Variants in PLXNA4 observed in about 807,000 individuals in gnomAD.
PLXNA4 encodes plexin-A4.
Under a neutral mutation model 191.8 loss-of-function variants are expected in PLXNA4, and 44 were observed. The ratio of observed to expected loss-of-function variants is 0.23; its 90% CI spans 0.18 to 0.29. PLXNA4 has a LOEUF of 0.29. Among genes scored for constraint, PLXNA4 ranks in the 10% least tolerant of loss-of-function variants. The pLI is 1.00. For missense variants in PLXNA4, 1,800 were observed against 2,488.8 expected (o/e 0.72, Z 5.89); for synonymous variants, 1,082 against 1,009.5 (o/e 1.07, Z -1.36).
At chr7:132,528,311 C>T (rs969790957) in intron 1 of PLXNA4, among the ~76,000 whole-genome samples, 2 of 152,182 alleles carry the variant, frequency 1.3e-5, no homozygotes, top group African/African-American at 4.8e-5. Flanking sequence ...GAACACCCAG[C>T]CTCCTAGTCC....
Position 132,238,606 on chromosome 7 carries a change from C to G in PLXNA4, c.1604+2460G>C, listed in dbSNP as rs534891894. 1.2e-4 allele frequency among the ~76,000 whole-genome samples: 19 copies of G among 152,288 alleles called. No individual in the cohort carries two copies. The South Asian group carries it at 3.9e-3, about 32-fold the overall frequency. ...TTGCACAGCCCCTGCCTTCTGAGAG[C>G]CTGTGCTTAACAAGGGCTGGTGCTA... On this transcript the variant is annotated intron_variant, in intron 5 of 31. Transcript: ENST00000321063.
At chr7:132,567,377 T>G (rs1801784088) in intron 1 of PLXNA4, among the ~76,000 whole-genome samples, 1 of 141,870 alleles carries the variant, frequency 7.0e-6, no homozygotes, top group Admixed American at 7.4e-5. Context: ...TCCATGTGCA[T>G]CCATGTGCAA....
At position 132,479,619 on chromosome 7, in the gene PLXNA4, A is replaced by G. The variant is rs113690713; in HGVS notation, c.1371+9673T>C. Among the ~76,000 whole-genome samples the G allele has an allele frequency of 3.5e-3, 529 of 152,278 alleles. 1 individual carries two copies. The highest frequency in any genetic ancestry group is 0.012 in the African/African-American group (497 of 41,568). On this transcript the variant is annotated intron_variant, in intron 3 of 31. Coordinates refer to ENST00000321063, the MANE Select transcript of PLXNA4 (RefSeq NM_020911.2). ...GTCCAGGAGTGGTTTTGGGGGGAAG[A>G]GGATTGCTCTTTGTAGATTCTTTGC...
At chr7:132,296,215 A>C (rs553364548) in intron 4 of PLXNA4, among the ~76,000 whole-genome samples, 9 of 152,100 alleles carry the variant, frequency 5.9e-5, no homozygotes, top group Non-Finnish European at 1.2e-4. Flanking sequence ...CTTCCTTTCC[A>C]ATGTGCCCAT....
chr7:132,515,851 A>G (rs1798915950), intron 1 of PLXNA4, among the ~76,000 whole-genome samples: 3 of 152,220 alleles, frequency 2.0e-5, no homozygotes, highest in Admixed American at 2.0e-4. Context: ...CAGTGCCACC[A>G]GAGTCTCACA....
intron 3 of PLXNA4, among the ~76,000 whole-genome samples, chr7:132,335,589 A>C (rs758452739): frequency 2.0e-5 from 3 of 152,190 alleles, no homozygotes; most frequent in Non-Finnish European, 2.9e-5. Flanking sequence ...AGGTCATCCT[A>C]TATTAAATTG....
chr7:132,359,204 G>A (rs1034992909), intron 3 of PLXNA4, among the ~76,000 whole-genome samples: 6 of 143,924 alleles, frequency 4.2e-5, no homozygotes, highest in African/African-American at 1.3e-4. Context: ...AAAAAGTCAA[G>A]GCTGCTTTTT....
chr7:132,536,408 TACCTCC>T (rs765158179), intron 1 of PLXNA4, among the ~76,000 whole-genome samples: 1 of 152,156 alleles, frequency 6.6e-6, no homozygotes, highest in Non-Finnish European at 1.5e-5. Flanking sequence ...TCCCTAAGCC[TACCTCC>T]ACCTCTGCAT....
chr7:132,607,391 C>T (rs1802947441), intron 2 of PLXNA4, among the ~76,000 whole-genome samples: 1 of 152,206 alleles, frequency 6.6e-6, no homozygotes, highest in East Asian at 1.9e-4. Context: ...GCAGACAGGG[C>T]CTCTGGCACC....
chr7:132,304,858 G>A (rs1245668121), intron 3 of PLXNA4, among the ~76,000 whole-genome samples: 1 of 151,800 alleles, frequency 6.6e-6, no homozygotes, highest in Non-Finnish European at 1.5e-5. Flanking sequence ...ACAGCACAGT[G>A]CAGTGTGCCC....
chr7:132,190,302 A>G (rs1298344122), intron 14 of PLXNA4, among the ~76,000 whole-genome samples: 2 of 152,218 alleles, frequency 1.3e-5, no homozygotes, highest in Non-Finnish European at 2.9e-5. Context: ...GAACAATCAC[A>G]CAGCCAAGAC....
intron 4 of PLXNA4, among the ~76,000 whole-genome samples, chr7:132,289,945 G>C (rs1350748560): frequency 6.6e-6 from 1 of 152,118 alleles, no homozygotes; most frequent in Non-Finnish European, 1.5e-5. Flanking sequence ...AAAGCAAGGT[G>C]GCCCTCGCCA....
chr7:132,493,600 G>C (rs566186545), intron 2 of PLXNA4, among the ~76,000 whole-genome samples: 1 of 152,276 alleles, frequency 6.6e-6, no homozygotes, highest in South Asian at 2.1e-4. Context: ...AGGACTATGA[G>C]CTCAAGGACA....
At chr7:132,565,102 T>C (rs1044550900) in intron 1 of PLXNA4, among the ~76,000 whole-genome samples, 1 of 152,238 alleles carries the variant, frequency 6.6e-6, no homozygotes, top group African/African-American at 2.4e-5. Context: ...TCTCTTTGTC[T>C]TGATTTTCTT....
intron 25 of PLXNA4, among the ~76,000 whole-genome samples, chr7:132,157,654 CTCTG>C: frequency 6.6e-6 from 1 of 152,346 alleles, no homozygotes; most frequent in Non-Finnish European, 1.5e-5. Flanking sequence ...CTTGGCCCCA[CTCTG>C]TCTGGACTCT....
intron 31 of PLXNA4, 95 bp downstream of exon 31, chr7:132,132,954 T>C: frequency 1.3e-6 from 2 of 1,514,066 alleles, no homozygotes; most frequent in Non-Finnish European, 1.8e-6. Context: ...GGTGGATGTG[T>C]CTGTGGCGAT....
intron 21 of PLXNA4, among the ~76,000 whole-genome samples, chr7:132,170,133 G>A (rs1796241356): frequency 1.3e-5 from 2 of 151,996 alleles, no homozygotes; most frequent in Admixed American, 1.3e-4. Context: ...CATTTCCTAG[G>A]GCCCTTAGTG....
intron 3 of PLXNA4, among the ~76,000 whole-genome samples, chr7:132,340,827 GC>G (rs1373847489): frequency 1.6e-4 from 25 of 152,260 alleles, no homozygotes; most frequent in African/African-American, 5.8e-4. Context: ...ACAGACATGT[GC>G]CACCACGCCT....
intron 3 of PLXNA4, among the ~76,000 whole-genome samples, chr7:132,427,373 C>T (rs553594540): frequency 7.9e-5 from 12 of 152,252 alleles, no homozygotes; most frequent in African/African-American, 2.4e-4. Flanking sequence ...GGGTCTACAG[C>T]GCCCCATCAG....
Sources: gnomAD v4.1 joint callset for allele counts (sites outside exome capture counted in the v4.1 genomes callset) on GRCh38, gnomAD v4.1.1 for gene constraint, MANE v1.5 for transcripts, NCBI Gene and HGNC (gene_info 2026-07-23, HGNC 2026-07-21) for gene names.